The following COX6B1 variants were observed in gnomAD, a reference collection of about 807,000 sequenced individuals.
COX6B1 encodes the protein COX VIb-1.
In COX6B1, 2 loss-of-function variants were observed where a neutral mutation model predicts 14.0. The observed-to-expected ratio is 0.14, with a 90% CI of 0.06 to 0.45. The LOEUF is 0.45. Among genes scored for constraint, COX6B1 ranks in the 20% least tolerant of loss-of-function variants. COX6B1 has a pLI of 0.98. For synonymous variants in COX6B1, 30 were observed against 39.7 expected (o/e 0.76, Z 0.92); for missense variants, 81 against 114.2 (o/e 0.71, Z 1.33).
chr19:35,656,632 C>T (rs1967892117), intron 3 of COX6B1, among the ~76,000 whole-genome samples: 1 of 152,092 alleles, frequency 6.6e-6, no homozygotes, highest in East Asian at 1.9e-4. Flanking sequence ...AGGCGCCTGC[C>T]ACCATGCCCA....
At chr19:35,655,755 G>C (rs1410520755) in intron 3 of COX6B1, among the ~76,000 whole-genome samples, 2 of 145,966 alleles carry the variant, frequency 1.4e-5, no homozygotes, top group African/African-American at 5.0e-5. Flanking sequence ...CACTGTGCCT[G>C]TCTCTCTCTC....
At chr19:35,652,656 G>A (rs1207596888) in intron 2 of COX6B1, among the ~76,000 whole-genome samples, 4 of 149,772 alleles carry the variant, frequency 2.7e-5, no homozygotes, top group Non-Finnish European at 4.4e-5. Flanking sequence ...ATGTTGATCA[G>A]GCTGATCTTG....
In COX6B1 at chr19:35,654,622, T is replaced by A. The variant is rs1967867311; in HGVS notation, c.158T>A (p.Val53Glu). The A allele has an allele frequency of 6.2e-7, 1 of 1,614,186 alleles. No individual in the cohort carries two copies. The highest frequency in any genetic ancestry group is 1.3e-5 in the African/African-American group (1 of 75,060). ...AMTAKGGDISVCEWYQRVYQS... is the reference protein window; with the variant it reads ...AMTAKGGDISECEWYQRVYQS... ...ACCGCTAAAGGAGGCGATATCTCTG[T>A]GTGCGAATGGTACCAGCGTGTGTAC... Residue 53 changes from valine (V) to glutamate (E), a missense_variant, in exon 3 of 4, where the codon GTG becomes GAG. Physicochemically the swap from Val to Glu is moderately radical, Grantham distance 121. Coordinates refer to ENST00000649813, the MANE Select transcript of COX6B1 (RefSeq NM_001863.5).
chr19:35,650,298 C>T (rs114809556), intron 1 of COX6B1, among the ~76,000 whole-genome samples: 3,049 of 152,288 alleles, frequency 0.02, 115 homozygotes, highest in East Asian at 0.097. Context: ...CCACCGCACC[C>T]GGCGAAAATT....
At chr19:35,651,399 C>G (rs1199629414) in intron 2 of COX6B1, 50 bp downstream of exon 2, 4 of 1,437,176 alleles carry the variant, frequency 2.8e-6, no homozygotes, top group Non-Finnish European at 2.9e-6. Flanking sequence ...TCACCGCTTG[C>G]CTCTTCCTAG....
intron 2 of COX6B1, among the ~76,000 whole-genome samples, chr19:35,651,863 C>T (rs546006635): frequency 1.3e-5 from 2 of 152,066 alleles, no homozygotes; most frequent in African/African-American, 4.8e-5. Flanking sequence ...CCGTGCCTGG[C>T]CCCTACAATG....
chr19:35,648,782 C>T, intron 1 of COX6B1: 1 of 522,410 alleles, frequency 1.9e-6, no homozygotes, highest in Non-Finnish European at 3.9e-6. Flanking sequence ...CGTGGCCTCT[C>T]GCGGCTTGCC....
intron 2 of COX6B1, among the ~76,000 whole-genome samples, chr19:35,651,883 T>A (rs1257799558): frequency 6.6e-6 from 1 of 151,304 alleles, no homozygotes; most frequent in East Asian, 2.0e-4. Context: ...GATTTTTTTT[T>A]AAGCTGTATG....
intron 1 of COX6B1, among the ~76,000 whole-genome samples, chr19:35,649,573 G>A (rs1429552271): frequency 1.3e-5 from 2 of 151,744 alleles, no homozygotes; most frequent in African/African-American, 4.8e-5. Flanking sequence ...CCGCCTCTTG[G>A]GTTCAAGTGA....
Position 35,658,737 on chromosome 19 carries a change from C to A in COX6B1, c.*90C>A. ...TACCCAGTGATCCCCACCCCAGGAT[C>A]CTAAATCATGACTTACCTGCTAATA... On this transcript the variant is annotated 3_prime_UTR_variant, in exon 4 of 4. Transcript: ENST00000649813. 8.3e-7 allele frequency: 1 copy of A among 1,199,892 alleles called. No individual in the cohort carries two copies. Among genetic ancestry groups the A allele is most frequent in the Non-Finnish European group, 1.2e-6 (1 of 806,568 alleles). The allele number at this position is 1,199,892 out of a possible 1,614,324, so 74.3% of individuals were successfully genotyped here.
chr19:35,649,221 T>C (rs532563388), intron 1 of COX6B1, among the ~76,000 whole-genome samples: 1 of 152,204 alleles, frequency 6.6e-6, no homozygotes, highest in East Asian at 1.9e-4. Context: ...GGGGGTGGAA[T>C]TGCATCTGTG....
chr19:35,649,996 C>T (rs1296633645), intron 1 of COX6B1, among the ~76,000 whole-genome samples: 1 of 148,720 alleles, frequency 6.7e-6, no homozygotes, highest in East Asian at 2.0e-4. Context: ...ATGATTACTT[C>T]AAAATTGTAT....
intron 3 of COX6B1, among the ~76,000 whole-genome samples, chr19:35,657,133 T>C (rs910877324): frequency 1.3e-5 from 2 of 152,050 alleles, no homozygotes; most frequent in African/African-American, 4.8e-5. Context: ...TATTACATTA[T>C]ATAATAAAAT....
intron 3 of COX6B1, among the ~76,000 whole-genome samples, chr19:35,656,155 C>A (rs1967887068): frequency 6.6e-6 from 1 of 152,110 alleles, no homozygotes; most frequent in South Asian, 2.1e-4. Context: ...AAAAAAATTA[C>A]CCTTTAACTT....
rs553901258 is a variant in COX6B1 at position 35,654,775 on chromosome 19, C to T, written c.207+104C>T. ...TCATCTGTGAGGGGCAGAGGGAGGA[C>T]AGGGCACCACACTGTCCCAGGACTC... On this transcript the variant is annotated intron_variant, in intron 3 of 3. Coordinates refer to ENST00000649813, the MANE Select transcript of COX6B1 (RefSeq NM_001863.5). The T allele has an allele frequency of 1.6e-5, 15 of 950,072 alleles. No individual in the cohort carries two copies. In the African/African-American group the frequency reaches 2.4e-4, roughly 15 times the overall value. The allele number at this position is 950,072 out of a possible 1,614,324, so 58.9% of individuals were successfully genotyped here. A position where few individuals can be genotyped will look rare whatever the true frequency, so the allele number is the denominator to read the frequency against.
intron 2 of COX6B1, among the ~76,000 whole-genome samples, chr19:35,653,515 G>T (rs919808540): frequency 6.8e-6 from 1 of 147,932 alleles, no homozygotes; most frequent in African/African-American, 2.5e-5. Flanking sequence ...CTCATGATCT[G>T]CCTGCCTCGG....
At chr19:35,649,732 G>A (rs535484609) in intron 1 of COX6B1, among the ~76,000 whole-genome samples, 164 of 151,768 alleles carry the variant, frequency 1.1e-3, no homozygotes, top group African/African-American at 3.7e-3. Flanking sequence ...CACCCACCTC[G>A]GCTTCCCAAA....
chr19:35,651,256 A>T lies in COX6B1; in HGVS notation c.13A>T (p.Met5Leu). 6.2e-7 allele frequency: 1 copy of T among 1,613,934 alleles called. No homozygotes were observed. Among genetic ancestry groups the T allele is most frequent in the Non-Finnish European group, 8.5e-7 (1 of 1,179,858 alleles). The stretch of plus-strand genomic sequence containing the variant: ...AGGATTCAGCACCATGGCGGAAGAC[A>T]TGGAGACCAAAATCAAGAACTACAA... MAED[M>L]ETKIKNYKTA... is the part of the protein sequence containing the mutation. The change falls in exon 2 of 4, where the codon ATG (methionine) becomes TTG (leucine). Residue 5 changes from methionine (M) to leucine (L), a missense_variant. Met to Leu is a conservative substitution (Grantham distance 15). Transcript: ENST00000649813.
intron 3 of COX6B1, 30 bp downstream of exon 3, chr19:35,654,701 T>C: frequency 6.2e-7 from 1 of 1,603,392 alleles, no homozygotes; most frequent in South Asian, 1.1e-5. Context: ...GCCCTTGGGA[T>C]GCTGGGGTGG....
Sources: gnomAD v4.1 joint callset for allele counts (sites outside exome capture counted in the v4.1 genomes callset) on GRCh38, gnomAD v4.1.1 for gene constraint, MANE v1.5 for transcripts, NCBI Gene and HGNC (gene_info 2026-07-23, HGNC 2026-07-21) for gene names.